Variants in PARD3B observed in about 807,000 individuals in gnomAD.
The protein encoded by PARD3B is partitioning defective 3 homolog B.
A neutral mutation model predicts 130.2 loss-of-function variants in PARD3B; 103 were observed. That is an observed-to-expected ratio of 0.79 (90% CI 0.67 to 0.93). The LOEUF (loss-of-function observed/expected upper bound fraction) is 0.93, where lower values mean the gene tolerates loss of function less well. PARD3B is among the 40% of genes least tolerant of loss of function. The pLI is 0.00. For synonymous variants in PARD3B, 583 were observed against 553.2 expected, an observed-to-expected ratio of 1.05 and a Z score of -0.76; for missense variants, 1,609 against 1,499.2, an observed-to-expected ratio of 1.07 and a Z score of -1.21.
In PARD3B at chr2:205,396,852, C is replaced by T. The variant is rs115975119; in HGVS notation, c.2631-4161C>T. Among the ~76,000 whole-genome samples the T allele has an allele frequency of 6.1e-3, 926 of 152,186 alleles. 14 individuals are homozygous for T. The highest frequency in any genetic ancestry group is 0.021 in the African/African-American group (872 of 41,502). On this transcript the variant is annotated intron_variant, in intron 18 of 22. Coordinates refer to ENST00000406610, the MANE Select transcript of PARD3B (RefSeq NM_001302769.2). ...GTAGTAATTTTAGCCATTCAGGGTT[C>T]GTGACTTTTCTCACAAAAATAGCTA...
intron 1 of PARD3B, among the ~76,000 whole-genome samples, chr2:204,627,764 C>A (rs77773680): frequency 6.6e-6 from 1 of 151,786 alleles, no homozygotes; most frequent in African/African-American, 2.4e-5. Context: ...GCTTTTAATC[C>A]CAGAAAAAGA....
At chr2:204,644,334 T>C (rs1258015956) in intron 1 of PARD3B, among the ~76,000 whole-genome samples, 2 of 152,168 alleles carry the variant, frequency 1.3e-5, no homozygotes, top group African/African-American at 4.8e-5. Flanking sequence ...CAAATACTTT[T>C]GGTTGATTTT....
At chr2:204,819,916 AGCAGAGGGTT>A (rs1486046975) in intron 2 of PARD3B, among the ~76,000 whole-genome samples, 1 of 152,114 alleles carries the variant, frequency 6.6e-6, no homozygotes, top group African/African-American at 2.4e-5. Context: ...GTTGGAAGCT[AGCAGAGGGTT>A]GGTTCATAGA....
intron 1 of PARD3B, among the ~76,000 whole-genome samples, chr2:204,604,345 A>C (rs2033629359): frequency 6.6e-6 from 1 of 152,168 alleles, no homozygotes; most frequent in Non-Finnish European, 1.5e-5. Context: ...TTTTATTATT[A>C]GCTCAGTAAG....
At chr2:204,585,760 C>T (rs1041409015) in intron 1 of PARD3B, among the ~76,000 whole-genome samples, 1 of 152,002 alleles carries the variant, frequency 6.6e-6, no homozygotes, top group Non-Finnish European at 1.5e-5. Context: ...TGACGATTCA[C>T]CTCTCTCCCA....
intron 10 of PARD3B, among the ~76,000 whole-genome samples, chr2:205,152,582 C>G (rs2033834019): frequency 6.6e-6 from 1 of 152,290 alleles, no homozygotes; most frequent in East Asian, 1.9e-4. Flanking sequence ...ACGTAGTTCT[C>G]TTGCCATGGT....
chr2:204,806,444 A>G, intron 2 of PARD3B, among the ~76,000 whole-genome samples: 1 of 152,200 alleles, frequency 6.6e-6, no homozygotes, highest in Non-Finnish European at 1.5e-5. Context: ...TATGTAGAAG[A>G]ATGAAACTAG....
chr2:204,748,038 T>C (rs1167221142), intron 2 of PARD3B, among the ~76,000 whole-genome samples: 6 of 152,056 alleles, frequency 3.9e-5, no homozygotes, highest in African/African-American at 1.4e-4. Context: ...ACATCATCAT[T>C]AGGAAGACTC....
Position 205,274,568 on chromosome 2 carries a change from C to T in PARD3B, c.2186-25962C>T, listed in dbSNP as rs1225810760. On this transcript the variant is annotated intron_variant, in intron 16 of 22. Transcript: ENST00000406610. This position sits in a 1 kb window ranked among gnomAD's most constrained non-coding sequence, Gnocchi z 4.2. ...TTTAATAACCCCTTTCCTGATATCC[C>T]TTAATTTACATGGTATACTTTTACA... Among the ~76,000 whole-genome samples the T allele has an allele frequency of 6.6e-6, 1 of 151,636 alleles. No homozygotes were observed. The highest frequency in any genetic ancestry group is 1.5e-5 in the Non-Finnish European group (1 of 67,890).
intron 1 of PARD3B, among the ~76,000 whole-genome samples, chr2:204,554,622 A>C (rs1559153093): frequency 6.6e-6 from 1 of 151,412 alleles, no homozygotes; most frequent in African/African-American, 2.4e-5. Flanking sequence ...TTTTTCTTTA[A>C]ATAGACTTTA....
rs942325252 is a variant in PARD3B, at chr2:204,589,961, C to G, written c.120+43842C>G. Among the ~76,000 whole-genome samples the G allele has an allele frequency of 2.6e-5, 4 of 152,090 alleles. No homozygotes were observed. The East Asian group carries it at 7.7e-4, about 29-fold the overall frequency. ...CTTTGAGTTCTAGTCTGCCATTGAT[C>G]GATTACAATCAAGCAAATCCCTTCC... On this transcript the variant is annotated intron_variant, in intron 1 of 22. Coordinates refer to ENST00000406610, the MANE Select transcript of PARD3B (RefSeq NM_001302769.2).
At chr2:205,206,808 C>T (rs541454184) in intron 15 of PARD3B, among the ~76,000 whole-genome samples, 127 of 151,798 alleles carry the variant, frequency 8.4e-4, no homozygotes, top group African/African-American at 2.2e-3. Flanking sequence ...GACAGATCAA[C>T]GAGACAGAAA....
chr2:204,883,455 A>ATATAAAATATATATATATATATATATT (rs1377428928), intron 2 of PARD3B, among the ~76,000 whole-genome samples: 4,715 of 76,394 alleles, frequency 0.062, 270 homozygotes, highest in Non-Finnish European at 0.092. Flanking sequence ...ATATATATAT[A>ATATAAAATATATATATATATATATATT]TTTTTTTTTT....
Position 205,553,297 on chromosome 2 carries a change from C to T in PARD3B, c.3181-27C>T, listed in dbSNP as rs768017307. 23 of 1,597,742 alleles carry T rather than the reference C, an allele frequency of 1.4e-5. No individual in the cohort carries two copies. In the South Asian group the frequency reaches 2.2e-4, roughly 15 times the overall value. ...GTAACCAAGGTGTATAATGGATCTT[C>T]ATCTCTAATTGCTTTTCTCTCCACA... On this transcript the variant is annotated intron_variant, in intron 21 of 22. Coordinates refer to ENST00000406610, the MANE Select transcript of PARD3B (RefSeq NM_001302769.2).
At chr2:205,175,729 TG>T (rs202191394) in intron 12 of PARD3B, among the ~76,000 whole-genome samples, 4 of 151,980 alleles carry the variant, frequency 2.6e-5, no homozygotes, top group Non-Finnish European at 5.9e-5. Context: ...CCAACCTTTT[TG>T]GAAAAAAAAA....
intron 1 of PARD3B, among the ~76,000 whole-genome samples, chr2:204,649,125 C>T (rs2035393298): frequency 1.4e-5 from 2 of 146,154 alleles, no homozygotes; most frequent in African/African-American, 2.5e-5. Flanking sequence ...AAATCATTGT[C>T]TACAGTTCTT....
chr2:204,959,045 G>C (rs943078445), intron 2 of PARD3B, among the ~76,000 whole-genome samples: 1 of 152,006 alleles, frequency 6.6e-6, no homozygotes, highest in Admixed American at 6.6e-5. Flanking sequence ...GTGCCATGGC[G>C]GTTTGCTATA....
intron 2 of PARD3B, among the ~76,000 whole-genome samples, chr2:204,959,736 T>C (rs1690579419): frequency 6.6e-6 from 1 of 152,190 alleles, no homozygotes; most frequent in Non-Finnish European, 1.5e-5. Flanking sequence ...AGAATCCTAG[T>C]TTCAGATGTT....
At chr2:205,610,568 C>T (rs1370027130) in intron 22 of PARD3B, among the ~76,000 whole-genome samples, 1 of 152,126 alleles carries the variant, frequency 6.6e-6, no homozygotes, top group African/African-American at 2.4e-5. Flanking sequence ...ATGCTGAGCT[C>T]ACTGGGAAGT....
Sources: gnomAD v4.1 joint callset for allele counts (sites outside exome capture counted in the v4.1 genomes callset) on GRCh38, gnomAD v4.1.1 for gene constraint, Gnocchi (gnomAD v3.1) non-coding constraint, MANE v1.5 for transcripts, NCBI Gene and HGNC (gene_info 2026-07-23, HGNC 2026-07-21) for gene names.